CCDC138: variants seen among roughly 807,000 people sequenced by gnomAD.
CCDC138 encodes the protein coiled-coil domain-containing protein 138.
A neutral mutation model predicts 82.3 loss-of-function variants in CCDC138; 66 were observed. That is an observed-to-expected ratio of 0.80 (90% CI 0.66 to 0.98). The LOEUF (loss-of-function observed/expected upper bound fraction) is 0.98, where lower values mean the gene tolerates loss of function less well. CCDC138 is among the 50% of genes least tolerant of loss of function. The pLI is 0.00. For missense variants in CCDC138, 816 were observed against 758.9 expected, an observed-to-expected ratio of 1.08 and a Z score of -0.88; for synonymous variants, 297 against 265.4, an observed-to-expected ratio of 1.12 and a Z score of -1.16.
At position 108,791,673 on chromosome 2, in the gene CCDC138, A is replaced by G; in HGVS notation, c.267-2A>G. Reference sequence around the variant, plus strand: ...TGCTGTGATACAATTATTTTTTTAAAGCCTAGATGATGAACTGGATTCTTT... The same window carrying G: ...TGCTGTGATACAATTATTTTTTTAAGGCCTAGATGATGAACTGGATTCTTT... On this transcript the variant is annotated splice_acceptor_variant, in intron 3 of 14. Transcript: ENST00000295124. LOFTEE classifies it high-confidence loss of function. 6.2e-7 allele frequency: 1 copy of G among 1,602,462 alleles called. No homozygotes were observed. Among genetic ancestry groups the G allele is most frequent in the Middle Eastern group, 1.7e-4 (1 of 6,008 alleles).
chr2:108,877,471 A>C (rs1696108325), downstream of CCDC138, among the ~76,000 whole-genome samples: 1 of 152,104 alleles, frequency 6.6e-6, no homozygotes, highest in Non-Finnish European at 1.5e-5. Flanking sequence ...GTCTCAAAAA[A>C]ATAAAAATAA....
intron 1 of CCDC138, 122 bp downstream of exon 1, chr2:108,787,037 C>A (rs993189974): frequency 3.8e-6 from 2 of 525,438 alleles, no homozygotes; most frequent in Non-Finnish European, 5.9e-6. Context: ...GCACTCCCGC[C>A]GTGGCTGCGG....
At chr2:108,795,773 AAGC>A (rs536388786) in intron 5 of CCDC138, among the ~76,000 whole-genome samples, 95 of 152,318 alleles carry the variant, frequency 6.2e-4, no homozygotes, top group African/African-American at 2.2e-3. Flanking sequence ...GTGTTCTGAA[AAGC>A]AGTGATTGTC....
chr2:108,832,654 G>A (rs543852196), intron 10 of CCDC138, among the ~76,000 whole-genome samples: 2 of 152,090 alleles, frequency 1.3e-5, no homozygotes, highest in South Asian at 4.1e-4. Flanking sequence ...GAGAACCACT[G>A]GTATAGGTAA....
intron 7 of CCDC138, among the ~76,000 whole-genome samples, chr2:108,812,424 T>G (rs1342431323): frequency 6.6e-6 from 1 of 152,206 alleles, no homozygotes; most frequent in African/African-American, 2.4e-5. Flanking sequence ...ACATTTTTCA[T>G]AAAATGAAGT....
intron 4 of CCDC138, among the ~76,000 whole-genome samples, chr2:108,793,277 G>A (rs1680243250): frequency 2.6e-5 from 4 of 152,036 alleles, no homozygotes; most frequent in Admixed American, 1.3e-4. Flanking sequence ...AGCTTACAGT[G>A]AGCCGAGGTC....
intron 3 of CCDC138, 76 bp from the exon 4 acceptor site, chr2:108,791,598 AT>A: frequency 1.3e-6 from 2 of 1,491,448 alleles, no homozygotes; most frequent in South Asian, 2.3e-5. Context: ...TGCTGTTAAT[AT>A]TTGAAAAGCA....
intron 13 of CCDC138, among the ~76,000 whole-genome samples, chr2:108,864,934 C>G (rs956723161): frequency 6.6e-6 from 1 of 152,132 alleles, no homozygotes; most frequent in Non-Finnish European, 1.5e-5. Context: ...GCACACCAGC[C>G]TGGGCAAGAG....
chr2:108,872,552 A>G (rs1455846630), intron 13 of CCDC138, among the ~76,000 whole-genome samples: 3 of 152,136 alleles, frequency 2.0e-5, no homozygotes, highest in Admixed American at 6.5e-5. Flanking sequence ...GTAAGTTAAA[A>G]TGAACAGAAC....
In CCDC138 at chr2:108,856,925, C is replaced by T. The variant is rs1439107839; in HGVS notation, c.1648C>T (p.Leu550=). The T allele has an allele frequency of 3.7e-6, 6 of 1,612,430 alleles. No individual in the cohort carries two copies. The South Asian group carries it at 5.5e-5, about 15-fold the overall frequency. ...SHLRISSKGL[L]SNVIDSLLQM... ...TCTAAGAATATCCAGTAAAGGACTC[C>T]TGTCTAATGTTATTGATAGTTTGCT... Residue 550 remains leucine (L), a synonymous_variant, in exon 13 of 15, where the codon CTG becomes TTG. Transcript: ENST00000295124.
chr2:108,879,228 T>C (rs1426882152), downstream of CCDC138, among the ~76,000 whole-genome samples: 2 of 152,228 alleles, frequency 1.3e-5, no homozygotes, highest in Admixed American at 6.5e-5. Flanking sequence ...TGCCTCAGCC[T>C]TCCAGAATGC....
rs1696023696 is a variant in CCDC138 at position 108,876,377 on chromosome 2, A to C, written c.*124A>C. 1 of 565,036 alleles carries C rather than the reference A, an allele frequency of 1.8e-6. No homozygotes were observed. The highest frequency in any genetic ancestry group is 2.9e-6 in the Non-Finnish European group (1 of 339,272). The allele number at this position is 565,036 out of a possible 1,614,324, so 35.0% of individuals were successfully genotyped here. On this transcript the variant is annotated 3_prime_UTR_variant, in exon 15 of 15. Transcript: ENST00000295124. Reference sequence around the variant, plus strand: ...CATCATTTATCATGAAAAATAAATAATTTTTTTGAACTGTAAAAATGAAAT... The same window carrying C: ...CATCATTTATCATGAAAAATAAATACTTTTTTTGAACTGTAAAAATGAAAT...
intron 1 of CCDC138, chr2:108,882,358 A>G (rs1696317009): frequency 6.6e-6 from 1 of 152,212 alleles, no homozygotes; most frequent in Non-Finnish European, 1.5e-5. Flanking sequence ...TCTGAACCAC[A>G]GTAAAGTTGA....
chr2:108,868,892 A>G (rs181778605), intron 13 of CCDC138, among the ~76,000 whole-genome samples: 30 of 152,166 alleles, frequency 2.0e-4, no homozygotes, highest in South Asian at 1.2e-3. Flanking sequence ...TGAAGTGCCT[A>G]CCTTTTGTGA....
intron 10 of CCDC138, among the ~76,000 whole-genome samples, chr2:108,835,854 C>G (rs1688488378): frequency 6.6e-6 from 1 of 152,160 alleles, no homozygotes; most frequent in African/African-American, 2.4e-5. Flanking sequence ...TCTCACAGTC[C>G]TGGCAGCTGG....
intron 14 of CCDC138, among the ~76,000 whole-genome samples, chr2:108,875,317 A>G (rs867091025): frequency 2.5e-5 from 1 of 39,468 alleles, no homozygotes; most frequent in African/African-American, 5.0e-5. Context: ...CTTAAAGTAT[A>G]ATAAAAAAAA....
intron 13 of CCDC138, among the ~76,000 whole-genome samples, chr2:108,865,877 G>C (rs1694333402): frequency 6.6e-6 from 1 of 152,138 alleles, no homozygotes; most frequent in South Asian, 2.1e-4. Context: ...AGAGTTTGTT[G>C]GGTTCTGTCA....
chr2:108,880,591 C>T (rs13392293), downstream of CCDC138, among the ~76,000 whole-genome samples: 2,665 of 152,260 alleles, frequency 0.018, 88 homozygotes, highest in African/African-American at 0.062. Context: ...AGGCAATGCT[C>T]ATTTGCCATT....
intron 1 of CCDC138, 46 bp downstream of exon 1, chr2:108,786,961 G>GC: frequency 7.4e-7 from 1 of 1,348,080 alleles, no homozygotes. Flanking sequence ...TGCTGCTGGG[G>GC]GGCGGCCCGC....
Sources: allele counts gnomAD v4.1 joint callset (sites outside exome capture counted in the v4.1 genomes callset), GRCh38; gene constraint gnomAD v4.1.1; transcripts MANE v1.5; gene names NCBI Gene and HGNC (gene_info 2026-07-23, HGNC 2026-07-21).